NOP58: variants seen among roughly 807,000 people sequenced by gnomAD.
The protein encoded by NOP58 is NOP58 ribonucleoprotein, also known as nucleolar protein 58.
In NOP58, 44 loss-of-function variants were observed where a neutral mutation model predicts 71.2. The observed-to-expected ratio is 0.62, with a 90% CI of 0.49 to 0.79. The LOEUF is 0.79. NOP58 is among the 30% of genes least tolerant of loss of function. The pLI is 0.00. For synonymous variants in NOP58, 228 were observed against 200.3 expected (o/e 1.14, Z -1.17); for missense variants, 538 against 620.2 (o/e 0.87, Z 1.41).
intron 1 of NOP58, among the ~76,000 whole-genome samples, chr2:202,266,301 A>AT (rs113536654): frequency 0.085 from 12,333 of 145,406 alleles, 1,663 homozygotes; most frequent in African/African-American, 0.29. Flanking sequence ...TGATCGAAAG[A>AT]TTTTTTTTTT....
At position 202,268,010 on chromosome 2, in the gene NOP58, T is replaced by G. The variant is rs183381623; in HGVS notation, c.45+2024T>G. 6.2e-3 allele frequency among the ~76,000 whole-genome samples: 945 copies of G among 152,352 alleles called. 4 individuals carry two copies. The highest frequency in any genetic ancestry group is 0.01 in the Non-Finnish European group (682 of 68,034). ...AGTTTGTAATTATTGGAATTAACAT[T>G]GATCGTTTCTGAGTATAAAAGACAT... On this transcript the variant is annotated intron_variant, in intron 1 of 14. Transcript: ENST00000264279.
At chr2:202,302,047 C>T (rs1222110665) in intron 13 of NOP58, among the ~76,000 whole-genome samples, 1 of 144,852 alleles carries the variant, frequency 6.9e-6, no homozygotes, top group African/African-American at 2.6e-5. Context: ...TGCTGAATTG[C>T]TGAATTTCTC....
intron 1 of NOP58, among the ~76,000 whole-genome samples, chr2:202,272,658 A>G (rs986381076): frequency 9.2e-5 from 14 of 152,216 alleles, no homozygotes; most frequent in Non-Finnish European, 1.5e-4. Context: ...CTATACTGAA[A>G]ACACTGATTA....
At chr2:202,296,712 C>CT (rs1006900193) in intron 10 of NOP58, among the ~76,000 whole-genome samples, 2 of 104,480 alleles carry the variant, frequency 1.9e-5, no homozygotes, top group African/African-American at 6.3e-5. Flanking sequence ...AGAACCCACG[C>CT]TTTTTTTTGT....
At position 202,274,692 on chromosome 2, in the gene NOP58, G is replaced by GT. The variant is rs529623642; in HGVS notation, c.46-420dup. On this transcript the variant is annotated intron_variant, in intron 1 of 14. Coordinates refer to ENST00000264279, the MANE Select transcript of NOP58 (RefSeq NM_015934.5). ...CACTAGAATCTCATAAACCCAGGAG[G>GT]TGAAGGTTGCAGTGAGCCAGGATTG... is the stretch of plus-strand genomic sequence containing the variant. Among the ~76,000 whole-genome samples the GT allele has an allele frequency of 2.0e-4, 30 of 152,170 alleles. No homozygotes were observed. The East Asian group carries it at 5.8e-3, about 29-fold the overall frequency.
At position 202,297,901 on chromosome 2, in the gene NOP58, C is replaced by G; in HGVS notation, c.1263C>G (p.His421Gln). The change falls in exon 12 of 15, where the codon CAC becomes CAG. Residue 421 changes from histidine to glutamine, a missense_variant. By Grantham distance (24) the His-to-Gln change is conservative. Transcript: ENST00000264279. ...KALAKTEKYEHKSEVKTYDPS... is the reference protein window; with the variant it reads ...KALAKTEKYEQKSEVKTYDPS... ...TAGCAAAAACAGAAAAATATGAACA[C>G]AAAAGGTGAGTACATTTAAGTGAGG... 1 of 1,575,596 alleles carries G rather than the reference C, an allele frequency of 6.3e-7. No homozygotes were observed. Among genetic ancestry groups the G allele is most frequent in the Non-Finnish European group, 8.6e-7 (1 of 1,159,306 alleles).
chr2:202,274,685 C>G (rs1260333513), intron 1 of NOP58, among the ~76,000 whole-genome samples: 1 of 152,104 alleles, frequency 6.6e-6, no homozygotes, highest in African/African-American at 2.4e-5. Flanking sequence ...TCTCATAAAC[C>G]CAGGAGGTGA....
At chr2:202,277,777 A>G (rs973170533) in intron 2 of NOP58, among the ~76,000 whole-genome samples, 173 bp from the exon 3 acceptor site, 10 of 152,222 alleles carry the variant, frequency 6.6e-5, no homozygotes, top group Non-Finnish European at 1.5e-4. Flanking sequence ...ACATTTAGAA[A>G]AACTAGTAAT....
intron 4 of NOP58, 126 bp downstream of exon 4, chr2:202,282,598 C>A: frequency 3.3e-6 from 3 of 896,792 alleles, no homozygotes; most frequent in Non-Finnish European, 4.9e-6. Context: ...TTTCTCTAAG[C>A]TACATGATAA....
chr2:202,271,209 A>G (rs1688507090), intron 1 of NOP58, among the ~76,000 whole-genome samples: 1 of 152,160 alleles, frequency 6.6e-6, no homozygotes, highest in Middle Eastern at 3.2e-3. Flanking sequence ...CATATTTAAC[A>G]TCCCTAAAAT....
At chr2:202,272,251 C>T (rs1320839009) in intron 1 of NOP58, among the ~76,000 whole-genome samples, 4 of 144,740 alleles carry the variant, frequency 2.8e-5, no homozygotes, top group African/African-American at 1.0e-4. Flanking sequence ...CCCTGGGGTT[C>T]ACGCCATTCT....
At position 202,287,437 on chromosome 2, in the gene NOP58, T is replaced by C. The variant is rs2105848016; in HGVS notation, c.435-223T>C. Among the ~76,000 whole-genome samples the C allele has an allele frequency of 2.0e-5, 3 of 152,052 alleles. 1 individual carries two copies. In the South Asian group the frequency reaches 6.2e-4, roughly 32 times the overall value. ...CATAAACTCATTCATGTTACAGAAA[T>C]AAAGGTCGTAGCAGCACATATAGTT... On this transcript the variant is annotated intron_variant, in intron 5 of 14. Transcript: ENST00000264279.
intron 1 of NOP58, among the ~76,000 whole-genome samples, chr2:202,268,403 T>G (rs1688452400): frequency 6.6e-6 from 1 of 151,480 alleles, no homozygotes; most frequent in East Asian, 2.0e-4. Context: ...GGCGTGGTGG[T>G]GTGCGCCTGT....
At chr2:202,275,912 G>A (rs964221945) in intron 2 of NOP58, among the ~76,000 whole-genome samples, 2 of 152,086 alleles carry the variant, frequency 1.3e-5, no homozygotes, top group South Asian at 2.1e-4. Context: ...CAGGCGATCC[G>A]CCTGCCTCGG....
At chr2:202,277,316 A>C (rs1365222906) in intron 2 of NOP58, among the ~76,000 whole-genome samples, 14 of 151,252 alleles carry the variant, frequency 9.3e-5, no homozygotes, top group Non-Finnish European at 1.5e-4. Flanking sequence ...AAAAAAAAAA[A>C]CAAAAACTAG....
At chr2:202,297,815 T>G in intron 11 of NOP58, 30 bp from the exon 12 acceptor site, 2 of 1,261,940 alleles carry the variant, frequency 1.6e-6, no homozygotes, top group Non-Finnish European at 2.3e-6. Context: ...GACTTAGAAG[T>G]GTATTTGTAA....
intron 4 of NOP58, among the ~76,000 whole-genome samples, chr2:202,283,323 G>A (rs528822235): frequency 3.9e-5 from 6 of 152,168 alleles, no homozygotes; most frequent in Non-Finnish European, 5.9e-5. Context: ...TCTGCCTCCC[G>A]GGTTCAAGGG....
At chr2:202,267,240 C>T (rs1688432869) in intron 1 of NOP58, among the ~76,000 whole-genome samples, 1 of 152,080 alleles carries the variant, frequency 6.6e-6, no homozygotes, top group African/African-American at 2.4e-5. Flanking sequence ...AGCAAAAACG[C>T]TAGGTAAAAA....
At chr2:202,277,891 C>A in intron 2 of NOP58, 59 bp from the exon 3 acceptor site, 2 of 878,680 alleles carry the variant, frequency 2.3e-6, no homozygotes, top group Non-Finnish European at 1.9e-6. Flanking sequence ...AGTTATGTGG[C>A]TTTTGAATCA....
Sources: gnomAD v4.1 joint callset for allele counts (sites outside exome capture counted in the v4.1 genomes callset) on GRCh38, gnomAD v4.1.1 for gene constraint, MANE v1.5 for transcripts, NCBI Gene and HGNC (gene_info 2026-07-23, HGNC 2026-07-21) for gene names.